The following PRELID2 variants were observed in gnomAD, a reference collection of about 807,000 sequenced individuals.
PRELID2 encodes PRELI domain-containing protein 2.
Under a neutral mutation model 28.4 loss-of-function variants are expected in PRELID2, and 25 were observed. The ratio of observed to expected loss-of-function variants is 0.88; its 90% CI spans 0.64 to 1.23. The LOEUF (loss-of-function observed/expected upper bound fraction) is 1.23. PRELID2 is among the 50% of genes most tolerant of loss of function. The pLI, the probability that PRELID2 is intolerant of heterozygous loss-of-function variation, is 0.00. For synonymous variants in PRELID2, 76 were observed against 71.6 expected (o/e 1.06, Z -0.31); for missense variants, 201 against 214.4 (o/e 0.94, Z 0.39).
At chr5:145,544,405 A>C (rs2126675098) in intron 1 of PRELID2, among the ~76,000 whole-genome samples, 1 of 152,274 alleles carries the variant, frequency 6.6e-6, no homozygotes, top group Admixed American at 6.5e-5. Context: ...ATGGCGAGGT[A>C]CAAATGTGCT....
the PRELID2 span, among the ~76,000 whole-genome samples, chr5:145,239,382 G>A: frequency 6.6e-6 from 1 of 151,924 alleles, no homozygotes; most frequent in East Asian, 1.9e-4. Context: ...TGGTCTCAAG[G>A]ATATTGTCTC....
chr5:145,354,097 A>G, the PRELID2 span, among the ~76,000 whole-genome samples: 1 of 152,182 alleles, frequency 6.6e-6, no homozygotes, highest in African/African-American at 2.4e-5. Flanking sequence ...TTGTGGTTTC[A>G]AACTGTTTTA....
chr5:145,587,421 G>A (rs893003639), intron 1 of PRELID2, among the ~76,000 whole-genome samples: 1 of 152,064 alleles, frequency 6.6e-6, no homozygotes, highest in African/African-American at 2.4e-5. Flanking sequence ...TGCCGATGTC[G>A]AATTGACTTT....
At chr5:145,542,461 T>G (rs1365148123) in intron 1 of PRELID2, among the ~76,000 whole-genome samples, 1 of 152,136 alleles carries the variant, frequency 6.6e-6, no homozygotes, top group African/African-American at 2.4e-5. Context: ...ACATAAGGAC[T>G]TTAGCAGTGA....
intron 1 of PRELID2, among the ~76,000 whole-genome samples, chr5:145,705,847 CTTGTG>C (rs1006494182): frequency 6.6e-6 from 1 of 151,740 alleles, no homozygotes; most frequent in African/African-American, 2.4e-5. Flanking sequence ...TAATATCCTT[CTTGTG>C]ATTTTTTTCT....
chr5:145,618,724 T>C (rs1338420962), intron 1 of PRELID2, among the ~76,000 whole-genome samples: 2 of 152,142 alleles, frequency 1.3e-5, no homozygotes, highest in African/African-American at 4.8e-5. Context: ...GAACCAACAG[T>C]GGGCAGGGCC....
chr5:145,390,850 G>T, the PRELID2 span, among the ~76,000 whole-genome samples: 1 of 152,108 alleles, frequency 6.6e-6, no homozygotes, highest in East Asian at 1.9e-4. Context: ...CAGACATTGG[G>T]TAAATTCACC....
the PRELID2 span, among the ~76,000 whole-genome samples, chr5:145,444,129 C>T: frequency 2.6e-5 from 4 of 151,956 alleles, no homozygotes; most frequent in Non-Finnish European, 4.4e-5. Context: ...TATTACCATG[C>T]CCTCTGTGTA....
At chr5:145,710,372 T>G (rs868637045) in intron 1 of PRELID2, among the ~76,000 whole-genome samples, 3 of 152,180 alleles carry the variant, frequency 2.0e-5, no homozygotes, top group Non-Finnish European at 2.9e-5. Context: ...AAACTGCCAT[T>G]AACCTTGGGA....
intron 1 of PRELID2, among the ~76,000 whole-genome samples, chr5:145,533,267 G>A (rs369300732): frequency 6.6e-6 from 1 of 152,040 alleles, no homozygotes; most frequent in East Asian, 1.9e-4. Context: ...GGAGATCTGG[G>A]GCTGATGGGG....
intron 1 of PRELID2, among the ~76,000 whole-genome samples, chr5:145,670,566 T>C (rs1483433338): frequency 3.3e-5 from 5 of 152,174 alleles, no homozygotes; most frequent in African/African-American, 1.2e-4. Context: ...CAAGATATAC[T>C]GGTTAAACTA....
chr5:145,464,619 C>A, the PRELID2 span, among the ~76,000 whole-genome samples: 1 of 152,134 alleles, frequency 6.6e-6, no homozygotes, highest in Non-Finnish European at 1.5e-5. Context: ...AATATGTCAT[C>A]TCTTTAAGAC....
chr5:145,597,657 T>G (rs538993721), intron 1 of PRELID2, among the ~76,000 whole-genome samples: 1 of 152,290 alleles, frequency 6.6e-6, no homozygotes, highest in Admixed American at 6.5e-5. Flanking sequence ...GCATTCTACA[T>G]GTTAAGTCAA....
At chr5:145,439,224 T>C in the PRELID2 span, among the ~76,000 whole-genome samples, 3 of 152,214 alleles carry the variant, frequency 2.0e-5, no homozygotes, top group African/African-American at 4.8e-5. Context: ...AAAGAATTGG[T>C]TGCCAACATT....
the PRELID2 span, among the ~76,000 whole-genome samples, chr5:145,408,025 G>T: frequency 1.3e-5 from 2 of 152,028 alleles, no homozygotes; most frequent in African/African-American, 4.8e-5. Flanking sequence ...GCCCTACTGG[G>T]TGGCTAGACC....
intron 5 of PRELID2, among the ~76,000 whole-genome samples, chr5:145,785,737 G>A (rs1483233175): frequency 2.0e-5 from 3 of 152,184 alleles, no homozygotes; most frequent in East Asian, 1.9e-4. Context: ...CTTAAGATAC[G>A]TGGATTAGCT....
the PRELID2 span, among the ~76,000 whole-genome samples, chr5:145,424,274 C>T: frequency 6.6e-6 from 1 of 152,196 alleles, no homozygotes. Flanking sequence ...CCAGTTCGAG[C>T]TTCCCGGCTG....
intron 1 of PRELID2, among the ~76,000 whole-genome samples, chr5:145,644,801 C>T (rs1284416064): frequency 6.6e-6 from 1 of 152,146 alleles, no homozygotes; most frequent in African/African-American, 2.4e-5. Flanking sequence ...GCAGGTTGTT[C>T]AGTTTCCATA....
the PRELID2 span, among the ~76,000 whole-genome samples, chr5:145,329,577 T>G: frequency 1.3e-5 from 2 of 152,208 alleles, no homozygotes; most frequent in Non-Finnish European, 2.9e-5. Flanking sequence ...TTTGGCTGTC[T>G]GTTTCCCTGT....
Sources: gnomAD v4.1 joint callset for allele counts (sites outside exome capture counted in the v4.1 genomes callset) on GRCh38, gnomAD v4.1.1 for gene constraint, MANE v1.5 for transcripts, NCBI Gene and HGNC (gene_info 2026-07-23, HGNC 2026-07-21) for gene names.